DOCK1: variants seen among roughly 807,000 people sequenced by gnomAD.
DOCK1 encodes the protein dedicator of cytokinesis 1.
Under a neutral mutation model 262.7 loss-of-function variants are expected in DOCK1, and 138 were observed. The observed-to-expected ratio is 0.53, with a 90% CI of 0.46 to 0.61. The LOEUF (loss-of-function observed/expected upper bound fraction) is 0.61. DOCK1 is among the 20% of genes least tolerant of loss of function. The probability of loss-of-function intolerance (pLI) is 0.00; values close to 1 mark genes in which losing one functional copy is unlikely to be tolerated. For synonymous variants in DOCK1, 866 were observed against 867.4 expected (o/e 1.00, Z 0.03); for missense variants, 1,908 against 2,370.7 (o/e 0.80, Z 4.05).
intron 27 of DOCK1, among the ~76,000 whole-genome samples, chr10:127,213,041 T>C (rs2058052040): frequency 6.6e-6 from 1 of 152,198 alleles, no homozygotes; most frequent in Non-Finnish European, 1.5e-5. Flanking sequence ...TTTCTATCCA[T>C]CCCCTTTAGA....
intron 1 of DOCK1, among the ~76,000 whole-genome samples, chr10:126,965,894 A>G (rs2037637539): frequency 6.6e-6 from 1 of 152,136 alleles, no homozygotes; most frequent in African/African-American, 2.4e-5. Flanking sequence ...CCTTCCAGCC[A>G]TTTAAAACTG....
intron 1 of DOCK1, among the ~76,000 whole-genome samples, chr10:126,906,708 C>T (rs1183782915): frequency 6.6e-6 from 1 of 152,216 alleles, no homozygotes; most frequent in South Asian, 2.1e-4. Flanking sequence ...TGGTGTGGTT[C>T]GAATCCTGGC....
At chr10:127,260,948 C>G (rs545040713) in intron 29 of DOCK1, among the ~76,000 whole-genome samples, 1 of 97,634 alleles carries the variant, frequency 1.0e-5, no homozygotes, top group Admixed American at 1.2e-4. Flanking sequence ...TACCCGTGCT[C>G]ATCTGTGTGT....
chr10:127,173,524 T>C (rs1219799434), intron 27 of DOCK1, among the ~76,000 whole-genome samples: 1 of 152,182 alleles, frequency 6.6e-6, no homozygotes, highest in Non-Finnish European at 1.5e-5. Flanking sequence ...AGGTTCTTCT[T>C]TGGGCACACA....
Position 127,176,243 on chromosome 10 carries a change from A to G in DOCK1, c.2847+48479A>G, listed in dbSNP as rs2055131813. 1.9e-6 allele frequency: 3 copies of G among 1,614,030 alleles called. No individual in the cohort carries two copies. Among genetic ancestry groups the G allele is most frequent in the Non-Finnish European group, 2.5e-6 (3 of 1,180,016 alleles). On this transcript the variant is annotated intron_variant, in intron 27 of 51. Transcript: ENST00000623213. The surrounding 1 kb of genome is among the most constrained non-coding windows in gnomAD (Gnocchi z 4.4). ...TCTGCTCATTCTGTGCCTCGCAGATATCCTTAAACCGCACCTGCAGGGCTT... is the reference window on the plus strand; with the variant it reads ...TCTGCTCATTCTGTGCCTCGCAGATGTCCTTAAACCGCACCTGCAGGGCTT...
At chr10:127,094,627 G>C (rs747994796) in intron 23 of DOCK1, among the ~76,000 whole-genome samples, 1 of 152,144 alleles carries the variant, frequency 6.6e-6, no homozygotes, top group Non-Finnish European at 1.5e-5. Flanking sequence ...ATTTTGCCTC[G>C]TTCCTGCATC....
At chr10:126,998,543 T>A (rs952880398) in intron 8 of DOCK1, 4 of 270,738 alleles carry the variant, frequency 1.5e-5, no homozygotes, top group Non-Finnish European at 2.8e-5. Flanking sequence ...AGTAATACTT[T>A]GTTTCCTAAG....
In DOCK1 at chr10:127,439,229, AC is replaced by A; in HGVS notation, c.5259+7del. On this transcript the variant is annotated splice_donor_5th_base_variant and intron_variant, in intron 49 of 51. Coordinates refer to ENST00000623213, the MANE Select transcript of DOCK1 (RefSeq NM_001290223.2). ...GGCTGTGATCCTTTCGGAAACGGTA[AC>A]CCGACAGGGTATCTTTCCTCGCTCT... 6.2e-7 allele frequency: 1 copy of A among 1,606,190 alleles called. No individual in the cohort carries two copies. Among genetic ancestry groups the A allele is most frequent in the Non-Finnish European group, 8.5e-7 (1 of 1,176,380 alleles).
At chr10:126,943,560 C>A in intron 1 of DOCK1, among the ~76,000 whole-genome samples, 1 of 152,304 alleles carries the variant, frequency 6.6e-6, no homozygotes, top group East Asian at 1.9e-4. Flanking sequence ...CGGCTAAATT[C>A]ATGCATTCAG....
chr10:126,927,362 A>G (rs1363037000), intron 1 of DOCK1, among the ~76,000 whole-genome samples: 1 of 152,164 alleles, frequency 6.6e-6, no homozygotes, highest in Non-Finnish European at 1.5e-5. Context: ...ATTCCCCTGG[A>G]GCAGTGAACT....
At chr10:127,066,506 G>A (rs1470208594) in intron 23 of DOCK1, among the ~76,000 whole-genome samples, 1 of 152,108 alleles carries the variant, frequency 6.6e-6, no homozygotes, top group African/African-American at 2.4e-5. Flanking sequence ...GGAGAAATGG[G>A]TCAGATTCCA....
chr10:126,926,778 G>C (rs1453648750), intron 1 of DOCK1, among the ~76,000 whole-genome samples: 2 of 152,212 alleles, frequency 1.3e-5, no homozygotes, highest in Non-Finnish European at 2.9e-5. Context: ...GTGTCCAGCA[G>C]CCCGTAGGGC....
At chr10:127,202,997 C>T (rs868498676) in intron 27 of DOCK1, among the ~76,000 whole-genome samples, 3 of 152,174 alleles carry the variant, frequency 2.0e-5, no homozygotes, top group Non-Finnish European at 2.9e-5. Flanking sequence ...CGTCATTAGC[C>T]GTCCCTCATT....
intron 1 of DOCK1, among the ~76,000 whole-genome samples, chr10:126,933,642 T>C (rs1371671648): frequency 2.0e-5 from 3 of 152,048 alleles, no homozygotes; most frequent in Admixed American, 6.6e-5. Flanking sequence ...CAGGAGGACA[T>C]ACATGCAGGG....
At chr10:127,416,704 G>A (rs2068176572) in intron 44 of DOCK1, among the ~76,000 whole-genome samples, 3 of 152,350 alleles carry the variant, frequency 2.0e-5, no homozygotes, top group East Asian at 1.9e-4. Flanking sequence ...AATAGGAAGG[G>A]ATTCTTTCTC....
chr10:127,195,019 C>T (rs1410115604), intron 27 of DOCK1, among the ~76,000 whole-genome samples: 3 of 152,188 alleles, frequency 2.0e-5, no homozygotes, highest in Non-Finnish European at 4.4e-5. Flanking sequence ...CAAAACGCAC[C>T]CATTTTCTCT....
In DOCK1 at chr10:127,093,202, C is replaced by CTTTCTTTCTTTCTTTCTTTCTTTCTTTG. The variant is rs1554883887; in HGVS notation, c.2446-13010_2446-13009insCTTTCTTTGTTTCTTTCTTTCTTTCTTT. ...GCATCTGAATCTCCCTCTCCTTTTTCTTTCTTTCTTTCTTTCTTTTCTTTC... is the reference window on the plus strand; with the variant it reads ...GCATCTGAATCTCCCTCTCCTTTTTCTTTCTTTCTTTCTTTCTTTCTTTCTTTGTTTCTTTCTTTCTTTCTTTTCTTTC... On this transcript the variant is annotated intron_variant, in intron 23 of 51. Coordinates refer to ENST00000623213, the MANE Select transcript of DOCK1 (RefSeq NM_001290223.2). 1.3e-3 allele frequency among the ~76,000 whole-genome samples: 163 copies of CTTTCTTTCTTTCTTTCTTTCTTTCTTTG among 129,636 alleles called. 6 individuals are homozygous for CTTTCTTTCTTTCTTTCTTTCTTTCTTTG. The highest frequency in any genetic ancestry group is 4.1e-3 in the African/African-American group (117 of 28,618). 85.0% of individuals were successfully genotyped at this position (129,636 alleles called of 152,430 possible).
At chr10:127,008,014 T>A (rs1320251145) in intron 10 of DOCK1, among the ~76,000 whole-genome samples, 5 of 152,352 alleles carry the variant, frequency 3.3e-5, no homozygotes, top group African/African-American at 1.2e-4. Context: ...GGTAACCACT[T>A]GTCACATGTG....
chr10:127,399,893 G>A (rs537936988), intron 38 of DOCK1, among the ~76,000 whole-genome samples: 7 of 152,264 alleles, frequency 4.6e-5, no homozygotes, highest in Non-Finnish European at 8.8e-5. Context: ...AATGTGAGCC[G>A]GGGCTCTGGC....
Sources: gnomAD v4.1 joint callset for allele counts (sites outside exome capture counted in the v4.1 genomes callset) on GRCh38, gnomAD v4.1.1 for gene constraint, Gnocchi (gnomAD v3.1) non-coding constraint, MANE v1.5 for transcripts, NCBI Gene and HGNC (gene_info 2026-07-23, HGNC 2026-07-21) for gene names.